Variants in CAMTA1 observed in about 807,000 individuals in gnomAD.
CAMTA1 encodes the protein calmodulin binding transcription activator 1.
In CAMTA1, 27 loss-of-function variants were observed where a neutral mutation model predicts 170.9. The ratio of observed to expected loss-of-function variants is 0.16; its 90% CI spans 0.12 to 0.22. CAMTA1 has a LOEUF of 0.22. Ranked by LOEUF, CAMTA1 falls within the 10% of genes least tolerant of loss-of-function variation. CAMTA1 has a pLI of 1.00. For synonymous variants in CAMTA1, 833 were observed against 891.5 expected, an observed-to-expected ratio of 0.93 and a Z score of 1.17; for missense variants, 1,619 against 2,217.2, an observed-to-expected ratio of 0.73 and a Z score of 5.42.
intron 6 of CAMTA1, among the ~76,000 whole-genome samples, chr1:7,522,753 T>C (rs1220330522): frequency 1.3e-5 from 2 of 152,250 alleles, no homozygotes; most frequent in East Asian, 3.8e-4. Context: ...TCCAATACCA[T>C]TTGTTGAAAA....
chr1:7,026,277 G>A (rs751308575), intron 3 of CAMTA1, among the ~76,000 whole-genome samples: 2 of 152,158 alleles, frequency 1.3e-5, no homozygotes, highest in Non-Finnish European at 2.9e-5. Context: ...TGAGGCCTGC[G>A]GAGCCTGGGT....
intron 1 of CAMTA1, chr1:6,807,025 A>T: frequency 1.5e-6 from 1 of 672,628 alleles, no homozygotes; most frequent in Non-Finnish European, 2.7e-6. Context: ...TATGGAGCTA[A>T]GGGGGAGACG....
rs911953306 is a variant in CAMTA1, at chr1:7,562,462, A to C, written c.511-77938A>C. Among the ~76,000 whole-genome samples the C allele has an allele frequency of 6.6e-6, 1 of 152,016 alleles. No homozygotes were observed. The highest frequency in any genetic ancestry group is 1.5e-5 in the Non-Finnish European group (1 of 68,000). ...CTGGAACTTCTGCCTGGCTCTCCGC[A>C]TTCTTCCCCCAGGCTGGCAGACGGC... On this transcript the variant is annotated intron_variant, in intron 6 of 22. Coordinates refer to ENST00000303635, the MANE Select transcript of CAMTA1 (RefSeq NM_015215.4). This position sits in a 1 kb window ranked among gnomAD's most constrained non-coding sequence, Gnocchi z 4.8.
chr1:7,762,029 C>T (rs2150299609), intron 22 of CAMTA1, among the ~76,000 whole-genome samples: 1 of 152,198 alleles, frequency 6.6e-6, no homozygotes, highest in Admixed American at 6.5e-5. Flanking sequence ...TGATGTGTAC[C>T]TGTAGTCTAG....
At chr1:7,449,580 G>A (rs1010681504) in intron 5 of CAMTA1, among the ~76,000 whole-genome samples, 27 of 152,130 alleles carry the variant, frequency 1.8e-4, no homozygotes, top group Non-Finnish European at 3.5e-4. Context: ...CACCAGCCTG[G>A]CCAACATGGT....
At chr1:7,086,380 C>G (rs963568465) in intron 3 of CAMTA1, among the ~76,000 whole-genome samples, 2 of 152,034 alleles carry the variant, frequency 1.3e-5, no homozygotes, top group African/African-American at 4.8e-5. Context: ...TTTCCTTCCC[C>G]CTAATGCCAC....
Position 7,007,762 on chromosome 1 carries a change from C to T in CAMTA1, c.235-83542C>T, listed in dbSNP as rs914440669. Among the ~76,000 whole-genome samples, 2 of 152,158 alleles carry T rather than the reference C, an allele frequency of 1.3e-5. No homozygotes were observed. Among genetic ancestry groups the T allele is most frequent in the African/African-American group, 2.4e-5 (1 of 41,426 alleles). On this transcript the variant is annotated intron_variant, in intron 3 of 22. Coordinates refer to ENST00000303635, the MANE Select transcript of CAMTA1 (RefSeq NM_015215.4). The surrounding 1 kb of genome is among the most constrained non-coding windows in gnomAD (Gnocchi z 4.5). ...GCTTTCCGACCCTGTGCTTTTCTAC[C>T]GACTTCTGGGCCGGGTCATCCACTC...
intron 3 of CAMTA1, among the ~76,000 whole-genome samples, chr1:6,897,883 G>T (rs184772015): frequency 8.5e-5 from 13 of 152,252 alleles, no homozygotes; most frequent in African/African-American, 3.1e-4. Context: ...ATGATTTTCT[G>T]CCCACAAACG....
At position 7,534,970 on chromosome 1, in the gene CAMTA1, G is replaced by A. The variant is rs2094531987; in HGVS notation, c.510+67069G>A. On this transcript the variant is annotated intron_variant, in intron 6 of 22. Coordinates refer to ENST00000303635, the MANE Select transcript of CAMTA1 (RefSeq NM_015215.4). This position sits in a 1 kb window ranked among gnomAD's most constrained non-coding sequence, Gnocchi z 5.6. Reference sequence around the variant, plus strand: ...GAGGGAAGGGAAGAGGAGGGGAAGGGAGTGAAGGAGAGAGGAGGGGAGGGG... The same window carrying A: ...GAGGGAAGGGAAGAGGAGGGGAAGGAAGTGAAGGAGAGAGGAGGGGAGGGG... 6.6e-6 allele frequency among the ~76,000 whole-genome samples: 1 copy of A among 152,060 alleles called. No individual in the cohort carries two copies. Among genetic ancestry groups the A allele is most frequent in the Non-Finnish European group, 1.5e-5 (1 of 68,002 alleles).
intron 4 of CAMTA1, among the ~76,000 whole-genome samples, chr1:7,205,230 A>G (rs1003870364): frequency 6.6e-6 from 1 of 152,028 alleles, no homozygotes; most frequent in African/African-American, 2.4e-5. Flanking sequence ...GCCTTACCCA[A>G]GTAGCTAGGA....
intron 11 of CAMTA1, among the ~76,000 whole-genome samples, chr1:7,677,995 G>C (rs1371493569): frequency 6.6e-6 from 1 of 152,258 alleles, no homozygotes; most frequent in Non-Finnish European, 1.5e-5. Flanking sequence ...GTGTGGGCCT[G>C]TGGCTGGCAC....
chr1:7,450,705 C>T (rs967889367), intron 5 of CAMTA1, among the ~76,000 whole-genome samples: 1 of 152,192 alleles, frequency 6.6e-6, no homozygotes, highest in East Asian at 1.9e-4. Context: ...GTTTCTTTCC[C>T]ATTTTATACA....
rs574213948 is a variant in CAMTA1, at chr1:7,155,910, A to G, written c.302+64539A>G. Among the ~76,000 whole-genome samples, 155 of 152,248 alleles carry G rather than the reference A, an allele frequency of 1.0e-3. 1 individual carries two copies. The highest frequency in any genetic ancestry group is 3.5e-3 in the African/African-American group (145 of 41,560). On this transcript the variant is annotated intron_variant, in intron 4 of 22. Coordinates refer to ENST00000303635, the MANE Select transcript of CAMTA1 (RefSeq NM_015215.4). ...CATTTCTTCATTCATTCAGTTCCAC[A>G]TTTATGGGGCATCTCTTCTAGAGCT...
intron 3 of CAMTA1, among the ~76,000 whole-genome samples, chr1:6,890,292 A>C (rs1015434075): frequency 6.6e-6 from 1 of 152,220 alleles, no homozygotes; most frequent in African/African-American, 2.4e-5. Context: ...GGGAATTTCC[A>C]GGTGGACTTG....
chr1:7,413,731 A>G (rs1366294380), intron 5 of CAMTA1, among the ~76,000 whole-genome samples: 1 of 152,118 alleles, frequency 6.6e-6, no homozygotes, highest in Non-Finnish European at 1.5e-5. Flanking sequence ...CTCTTTTCCT[A>G]ATTGAATACC....
At chr1:7,688,667 T>C (rs2096279200) in intron 11 of CAMTA1, among the ~76,000 whole-genome samples, 1 of 152,060 alleles carries the variant, frequency 6.6e-6, no homozygotes, top group African/African-American at 2.4e-5. Flanking sequence ...AGGACACCCT[T>C]CCCATCCAGT....
chr1:7,581,187 A>G (rs2095257824), intron 6 of CAMTA1, among the ~76,000 whole-genome samples: 1 of 152,128 alleles, frequency 6.6e-6, no homozygotes, highest in African/African-American at 2.4e-5. Context: ...TTTCCCTGGC[A>G]CCAACCAGCT....
chr1:6,902,690 A>G, intron 3 of CAMTA1, among the ~76,000 whole-genome samples: 1 of 152,232 alleles, frequency 6.6e-6, no homozygotes, highest in East Asian at 1.9e-4. Context: ...TCACAAAAGA[A>G]GTTATACACA....
chr1:6,786,152 C>G (rs781354026), intron 1 of CAMTA1, among the ~76,000 whole-genome samples: 1 of 151,656 alleles, frequency 6.6e-6, no homozygotes, highest in African/African-American at 2.4e-5. Context: ...CCGTGGACAC[C>G]TCCCTGAGCG....
Sources: gnomAD v4.1 joint callset for allele counts (sites outside exome capture counted in the v4.1 genomes callset) on GRCh38, gnomAD v4.1.1 for gene constraint, Gnocchi (gnomAD v3.1) non-coding constraint, MANE v1.5 for transcripts, NCBI Gene and HGNC (gene_info 2026-07-23, HGNC 2026-07-21) for gene names.